The following SLC30A6 variants were observed in gnomAD, a reference collection of about 807,000 sequenced individuals.
SLC30A6 encodes the protein zinc transporter 6.
A neutral mutation model predicts 63.0 loss-of-function variants in SLC30A6; 55 were observed. The ratio of observed to expected loss-of-function variants is 0.87; its 90% confidence interval spans 0.70 to 1.09. The LOEUF (loss-of-function observed/expected upper bound fraction) is 1.09, where lower values mean the gene tolerates loss of function less well. SLC30A6 is among the 50% of genes least tolerant of loss of function. SLC30A6 has a pLI of 0.00. For missense variants in SLC30A6, 587 were observed against 549.2 expected, an observed-to-expected ratio of 1.07 and a Z score of -0.69; for synonymous variants, 224 against 186.1, an observed-to-expected ratio of 1.20 and a Z score of -1.66.
At chr2:32,167,311 G>A (rs1680765549) in intron 1 of SLC30A6, among the ~76,000 whole-genome samples, 1 of 151,592 alleles carries the variant, frequency 6.6e-6, no homozygotes, top group Non-Finnish European at 1.5e-5. Context: ...CTGACCTCAG[G>A]TGATCCTCCC....
At chr2:32,184,206 AAACTT>A in intron 4 of SLC30A6, 62 bp from the exon 5 acceptor site, 2 of 867,262 alleles carry the variant, frequency 2.3e-6, no homozygotes, top group Non-Finnish European at 3.4e-6. Context: ...GGAATTCTGA[AAACTT>A]AATTTATCTT....
At chr2:32,181,574 A>G (rs1206374376) in intron 4 of SLC30A6, among the ~76,000 whole-genome samples, 2 of 152,188 alleles carry the variant, frequency 1.3e-5, no homozygotes, top group Non-Finnish European at 2.9e-5. Flanking sequence ...ACAATTAATA[A>G]TTGAAGCTTT....
intron 13 of SLC30A6, chr2:32,214,448 T>C (rs760174257): frequency 2.6e-5 from 4 of 152,136 alleles, no homozygotes; most frequent in Non-Finnish European, 4.4e-5. Flanking sequence ...TTTAATTAAT[T>C]AATTTTTTAA....
intron 13 of SLC30A6, among the ~76,000 whole-genome samples, chr2:32,210,852 AG>A (rs928149919): frequency 2.6e-5 from 4 of 152,166 alleles, no homozygotes; most frequent in Non-Finnish European, 2.9e-5. Context: ...ACTTATTACA[AG>A]AAAAACTTGA....
At chr2:32,205,095 G>C (rs972714387) in intron 11 of SLC30A6, among the ~76,000 whole-genome samples, 2 of 152,140 alleles carry the variant, frequency 1.3e-5, no homozygotes, top group East Asian at 1.9e-4. Flanking sequence ...CTATACGCGA[G>C]AGCCATCGTG....
intron 13 of SLC30A6, among the ~76,000 whole-genome samples, chr2:32,212,894 A>ATTTT (rs10522618): frequency 5.9e-5 from 7 of 118,258 alleles, no homozygotes; most frequent in South Asian, 3.1e-4. Flanking sequence ...TGTGTCCAGC[A>ATTTT]TTTTTTTTTT....
chr2:32,217,225 C>A lies in SLC30A6; in HGVS notation c.886-2988C>A, dbSNP rs187144955. Among the ~76,000 whole-genome samples the A allele has an allele frequency of 1.5e-3, 231 of 152,172 alleles. 1 individual carries two copies. The highest frequency in any genetic ancestry group is 5.3e-3 in the African/African-American group (220 of 41,530). On this transcript the variant is annotated intron_variant, in intron 13 of 13. Transcript: ENST00000282587. ...AGGTCTTAAATTTAAATCTTTAATC[C>A]ATCTTGAGTTAATCTTTTTATATGG...
chr2:32,188,101 T>C (rs1407463930), intron 5 of SLC30A6, among the ~76,000 whole-genome samples: 4 of 152,184 alleles, frequency 2.6e-5, no homozygotes, highest in Non-Finnish European at 5.9e-5. Context: ...AACTTAATCT[T>C]CTCATGGCCT....
In SLC30A6 at chr2:32,192,430, G is replaced by T. The variant is rs746300314; in HGVS notation, c.365+14G>T. The T allele has an allele frequency of 6.2e-7, 1 of 1,606,860 alleles. No individual in the cohort carries two copies. ...ATTAAAAGAAAGGTACATTTGTATA[G>T]GATATTATTCTAAATCCCCCCATGA... On this transcript the variant is annotated intron_variant, in intron 6 of 13. Coordinates refer to ENST00000282587, the MANE Select transcript of SLC30A6 (RefSeq NM_017964.5).
chr2:32,183,061 C>T (rs1682478210), intron 4 of SLC30A6, among the ~76,000 whole-genome samples: 1 of 151,920 alleles, frequency 6.6e-6, no homozygotes, highest in Admixed American at 6.6e-5. Context: ...GTGGTGCATG[C>T]CTGTAATCCC....
chr2:32,212,256 A>C (rs1056951713), intron 13 of SLC30A6, among the ~76,000 whole-genome samples: 5 of 151,704 alleles, frequency 3.3e-5, no homozygotes, highest in Non-Finnish European at 5.9e-5. Flanking sequence ...AGGTTTTCTA[A>C]TTCTGATTTA....
intron 13 of SLC30A6, among the ~76,000 whole-genome samples, chr2:32,210,126 GAAAATACAGAA>G (rs922268362): frequency 4.6e-5 from 7 of 152,246 alleles, no homozygotes; most frequent in African/African-American, 1.4e-4. Context: ...GAATGATGAG[GAAAATACAGAA>G]AATGTAAAGC....
intron 13 of SLC30A6, among the ~76,000 whole-genome samples, chr2:32,217,186 A>T (rs559898930): frequency 6.6e-6 from 1 of 152,148 alleles, no homozygotes; most frequent in Non-Finnish European, 1.5e-5. Flanking sequence ...GGCATGAGCC[A>T]TAGCACCCTG....
chr2:32,202,310 C>A, intron 10 of SLC30A6: 1 of 429,098 alleles, frequency 2.3e-6, no homozygotes, highest in Non-Finnish European at 4.4e-6. Flanking sequence ...TGAAAGACTC[C>A]AAAGAGATCA....
intron 13 of SLC30A6, among the ~76,000 whole-genome samples, chr2:32,213,606 T>C (rs1315598490): frequency 3.3e-5 from 5 of 152,100 alleles, no homozygotes; most frequent in Non-Finnish European, 7.4e-5. Context: ...GTTACTTTCT[T>C]TGTTTTAATG....
intron 10 of SLC30A6, chr2:32,203,444 G>C: frequency 6.5e-7 from 1 of 1,530,192 alleles, no homozygotes; most frequent in Admixed American, 1.7e-5. Flanking sequence ...CCAACCATCA[G>C]CTCAGATACT....
rs537751998 is a variant in SLC30A6, at chr2:32,213,808, T to G, written c.885+4247T>G. On this transcript the variant is annotated intron_variant, in intron 13 of 13. Coordinates refer to ENST00000282587, the MANE Select transcript of SLC30A6 (RefSeq NM_017964.5). Reference sequence around the variant, plus strand: ...GGTCTAGGATAAACTTTTTTTTTTTTTTGTTTTTGTTTTGAGACGGAGTCT... The same window carrying G: ...GGTCTAGGATAAACTTTTTTTTTTTGTTGTTTTTGTTTTGAGACGGAGTCT... 6.5e-4 allele frequency among the ~76,000 whole-genome samples: 79 copies of G among 121,526 alleles called. 2 individuals carry two copies. In the East Asian group the frequency reaches 7.4e-3, roughly 11 times the overall value. The allele number at this position is 121,526 out of a possible 152,430, so 79.7% of individuals were successfully genotyped here. A position where few individuals can be genotyped will look rare whatever the true frequency, so the allele number is the denominator to read the frequency against.
intron 8 of SLC30A6, 57 bp downstream of exon 8, chr2:32,194,040 G>A: frequency 7.0e-7 from 1 of 1,427,238 alleles, no homozygotes; most frequent in Non-Finnish European, 9.7e-7. Flanking sequence ...ATAAAAACAA[G>A]CCTTTTGTTT....
At chr2:32,207,132 C>T (rs929368719) in intron 12 of SLC30A6, among the ~76,000 whole-genome samples, 199 bp downstream of exon 12, 16 of 152,124 alleles carry the variant, frequency 1.1e-4, no homozygotes, top group Non-Finnish European at 2.4e-4. Context: ...AAATCAAATT[C>T]ACTTGAAGTG....
Sources: gnomAD v4.1 joint callset for allele counts (sites outside exome capture counted in the v4.1 genomes callset) on GRCh38, gnomAD v4.1.1 for gene constraint, MANE v1.5 for transcripts, NCBI Gene and HGNC (gene_info 2026-07-23, HGNC 2026-07-21) for gene names.